Variants in SLC13A4 observed in about 807,000 individuals in gnomAD.
SLC13A4 encodes solute carrier family 13 member 4.
In SLC13A4, 28 loss-of-function variants were observed where a neutral mutation model predicts 72.7. That is an observed-to-expected ratio of 0.39 (90% CI 0.29 to 0.53). SLC13A4 has a LOEUF of 0.53. SLC13A4 is among the 20% of genes least tolerant of loss of function. SLC13A4 has a pLI of 0.78. For synonymous variants in SLC13A4, 312 were observed against 325.5 expected (o/e 0.96, Z 0.45); for missense variants, 653 against 788.0 (o/e 0.83, Z 2.05).
At chr7:135,709,206 G>A (rs1796241767) in intron 2 of SLC13A4, among the ~76,000 whole-genome samples, 1 of 151,770 alleles carries the variant, frequency 6.6e-6, no homozygotes, top group African/African-American at 2.4e-5. Context: ...GCGGGGATCA[G>A]AAGCATGAGC....
rs1795502573 is a variant in SLC13A4 at position 135,681,587 on chromosome 7, G to A, written c.1860C>T (p.Val620=). The change falls in exon 16 of 16, where the codon GTC becomes GTT. Residue 620 remains valine, a synonymous_variant. Coordinates refer to ENST00000682651, the MANE Select transcript of SLC13A4 (RefSeq NM_001318192.2). The stretch of plus-strand genomic sequence containing the variant: ...GTTAGGCTTGATCAGTGATGTTGCT[G>A]ACCCTCGCCCATGCTGGGTAAGTGT... ...HLDTYPAWAR[V]SNITDQA The A allele has an allele frequency of 6.2e-7, 1 of 1,613,918 alleles. No homozygotes were observed. Among genetic ancestry groups the A allele is most frequent in the Admixed American group, 1.7e-5 (1 of 60,008 alleles).
At chr7:135,702,905 C>T in intron 5 of SLC13A4, 21 bp from the exon 6 acceptor site, 1 of 1,607,366 alleles carries the variant, frequency 6.2e-7, no homozygotes, top group Non-Finnish European at 8.5e-7. Flanking sequence ...GCAGAGGACA[C>T]AGGAGCCACG....
intron 6 of SLC13A4, chr7:135,701,988 G>T (rs921003182): frequency 7.2e-5 from 33 of 457,340 alleles, no homozygotes; most frequent in African/African-American, 6.3e-4. Flanking sequence ...GGCAGAACAT[G>T]GCTCTGCCCT....
chr7:135,722,815 G>A (rs986301604), intron 1 of SLC13A4, among the ~76,000 whole-genome samples: 1 of 152,080 alleles, frequency 6.6e-6, no homozygotes, highest in Non-Finnish European at 1.5e-5. Context: ...GCCCCTGTAA[G>A]AGTTAATAAG....
At position 135,706,349 on chromosome 7, in the gene SLC13A4, C is replaced by T. The variant is rs1479896522; in HGVS notation, c.366-49G>A. ...CAGAGCGTCCACGGAACACACATCC[C>T]TGCGGCTCCACAGTGGGCCTCCTAC... On this transcript the variant is annotated intron_variant, in intron 3 of 15. Transcript: ENST00000682651. The T allele has an allele frequency of 2.6e-6, 4 of 1,540,806 alleles. No homozygotes were observed. The African/African-American group carries it at 4.0e-5, about 16-fold the overall frequency.
chr7:135,710,313 A>G (rs1796271364), intron 2 of SLC13A4, among the ~76,000 whole-genome samples: 1 of 152,142 alleles, frequency 6.6e-6, no homozygotes, highest in Admixed American at 6.6e-5. Context: ...AAAAGAAAAA[A>G]TCTTCCCGGG....
intron 8 of SLC13A4, among the ~76,000 whole-genome samples, chr7:135,696,159 T>A (rs1795900564): frequency 1.3e-5 from 2 of 152,058 alleles, no homozygotes; most frequent in Non-Finnish European, 2.9e-5. Context: ...TGACCTATGC[T>A]GTGTTTTCCT....
Position 135,706,216 on chromosome 7 carries a change from G to A in SLC13A4, c.450C>T (p.Ile150=), listed in dbSNP as rs774932398. The change falls in exon 4 of 16, where the codon ATC becomes ATT. Residue 150 remains isoleucine (I), a synonymous_variant. Coordinates refer to ENST00000682651, the MANE Select transcript of SLC13A4 (RefSeq NM_001318192.2). The part of the protein sequence containing the change: ...NTSTTAMVMP[I]VEAVLQELVS... ...CCAGCTCCTGCAGCACGGCCTCCAC[G>A]ATGGGCATCACCATGGCGGTGGTGG... 2.4e-5 allele frequency: 39 copies of A among 1,613,894 alleles called. No homozygotes were observed. Among genetic ancestry groups the A allele is most frequent in the Non-Finnish European group, 2.9e-5 (34 of 1,179,870 alleles).
At position 135,716,750 on chromosome 7, in the gene SLC13A4, A is replaced by C. The variant is rs79355377; in HGVS notation, c.228+4645T>G. On this transcript the variant is annotated intron_variant, in intron 2 of 15. Coordinates refer to ENST00000682651, the MANE Select transcript of SLC13A4 (RefSeq NM_001318192.2). ...CTGCATAACCGCGGGTAAGTAAGTTACTTAACCTCTCTGAACTTCAGTTTC... is the reference window on the plus strand; with the variant it reads ...CTGCATAACCGCGGGTAAGTAAGTTCCTTAACCTCTCTGAACTTCAGTTTC... Among the ~76,000 whole-genome samples, 1,389 of 152,326 alleles carry C rather than the reference A, an allele frequency of 9.1e-3. 27 individuals carry two copies. The highest frequency in any genetic ancestry group is 0.069 in the East Asian group (356 of 5,186).
intron 13 of SLC13A4, among the ~76,000 whole-genome samples, chr7:135,687,187 T>G (rs1795648107): frequency 6.6e-6 from 1 of 152,222 alleles, no homozygotes; most frequent in African/African-American, 2.4e-5. Context: ...AGTTTTGTAT[T>G]AAAAACTCCA....
intron 2 of SLC13A4, among the ~76,000 whole-genome samples, chr7:135,709,018 T>C (rs3110803): frequency 0.61 from 90,996 of 148,190 alleles, 28,128 homozygotes; most frequent in East Asian, 0.88. Context: ...CAAACTCCGC[T>C]TCCTGGGTTC....
At chr7:135,711,457 G>C (rs937710786) in intron 2 of SLC13A4, among the ~76,000 whole-genome samples, 2 of 152,178 alleles carry the variant, frequency 1.3e-5, no homozygotes, top group African/African-American at 4.8e-5. Context: ...GAGCCTTCTA[G>C]TGCCGGCATT....
chr7:135,711,042 G>A lies in SLC13A4; in HGVS notation c.229-2792C>T, dbSNP rs147194685. ...CCCCCTAGCGGGAGCAGGAGGCACT[G>A]CAGGATTGTCCTAGGGAAGTGGTTG... On this transcript the variant is annotated intron_variant, in intron 2 of 15. Coordinates refer to ENST00000682651, the MANE Select transcript of SLC13A4 (RefSeq NM_001318192.2). 2.0e-5 allele frequency among the ~76,000 whole-genome samples: 3 copies of A among 152,306 alleles called. No homozygotes were observed. In the East Asian group the frequency reaches 5.8e-4, roughly 29 times the overall value.
rs1361752994 is a variant in SLC13A4, at chr7:135,721,344, C to T, written c.228+51G>A. 3 of 1,604,026 alleles carry T rather than the reference C, an allele frequency of 1.9e-6. No individual in the cohort carries two copies. The African/African-American group carries it at 4.0e-5, about 21-fold the overall frequency. On this transcript the variant is annotated intron_variant, in intron 2 of 15. Coordinates refer to ENST00000682651, the MANE Select transcript of SLC13A4 (RefSeq NM_001318192.2). ...TCTCCCTTCATTGGAGGCTCTCTTT[C>T]AGGGGCCCTGCAGGGACCCAGGCAG...
At chr7:135,706,712 C>T (rs753857996) in intron 3 of SLC13A4, among the ~76,000 whole-genome samples, 37 of 152,262 alleles carry the variant, frequency 2.4e-4, no homozygotes, top group Non-Finnish European at 5.1e-4. Flanking sequence ...GTGAGCGCCA[C>T]GGCACTCCTT....
Position 135,681,473 on chromosome 7 carries a change from CTGGT to C in SLC13A4, c.*86_*89del, listed in dbSNP as rs1007789963. On this transcript the variant is annotated 3_prime_UTR_variant, in exon 16 of 16. Transcript: ENST00000682651. Reference sequence around the variant, plus strand: ...GGCGTGGGTCTGGGGTTGTGTGCTCCTGGTGGTCCTAGTGGTTTTCTTTGCCTGT... The same window carrying C: ...GGCGTGGGTCTGGGGTTGTGTGCTCCGGTCCTAGTGGTTTTCTTTGCCTGT... 3.8e-5 allele frequency: 57 copies of C among 1,519,868 alleles called. No homozygotes were observed. In the African/African-American group the frequency reaches 7.7e-4, roughly 21 times the overall value. 94.1% of individuals were successfully genotyped at this position (1,519,868 alleles called of 1,614,324 possible).
At chr7:135,705,943 A>G in intron 4 of SLC13A4, 185 bp downstream of exon 4, 1 of 580,792 alleles carries the variant, frequency 1.7e-6, no homozygotes, top group Admixed American at 3.0e-5. Context: ...AGTTCAGGGA[A>G]GCTTCAGAGT....
intron 6 of SLC13A4, chr7:135,701,992 C>T: frequency 2.2e-6 from 1 of 450,690 alleles, no homozygotes; most frequent in Middle Eastern, 5.5e-4. Context: ...GAACATGGCT[C>T]TGCCCTTAGA....
At chr7:135,718,693 G>A (rs569442390) in intron 2 of SLC13A4, among the ~76,000 whole-genome samples, 1 of 152,308 alleles carries the variant, frequency 6.6e-6, no homozygotes, top group East Asian at 1.9e-4. Context: ...CAAAGAACGG[G>A]AGAGAACTTT....
Sources: allele counts gnomAD v4.1 joint callset (sites outside exome capture counted in the v4.1 genomes callset), GRCh38; gene constraint gnomAD v4.1.1; transcripts MANE v1.5; gene names NCBI Gene and HGNC (gene_info 2026-07-23, HGNC 2026-07-21).